Variants in TMEM217 observed in about 807,000 individuals in gnomAD.
TMEM217 encodes the protein chromosome 6 open reading frame 128.
For missense variants in TMEM217, 204 were observed against 248.8 expected (o/e 0.82, Z 1.21); for synonymous variants, 76 against 88.3 (o/e 0.86, Z 0.78).
intron 1 of TMEM217, among the ~76,000 whole-genome samples, chr6:37,254,188 C>T (rs1185611249): frequency 1.3e-5 from 2 of 152,160 alleles, no homozygotes; most frequent in African/African-American, 4.8e-5. Context: ...CACCTCAGAC[C>T]TCCTGAATCA....
chr6:37,245,710 G>A (rs1447941515), intron 1 of TMEM217, among the ~76,000 whole-genome samples: 2 of 152,108 alleles, frequency 1.3e-5, no homozygotes, highest in East Asian at 3.9e-4. Context: ...GGAGGAGGAG[G>A]AGGAAGAGCA....
At chr6:37,213,013 A>G, downstream of TMEM217, 1 of 1,510,662 alleles carries the variant, frequency 6.6e-7, no homozygotes, top group Non-Finnish European at 8.9e-7. Context: ...GAAGAAAATC[A>G]TACAGACACG....
At chr6:37,229,531 A>G (rs1764074282) in intron 1 of TMEM217, among the ~76,000 whole-genome samples, 1 of 151,290 alleles carries the variant, frequency 6.6e-6, no homozygotes, top group Non-Finnish European at 1.5e-5. Context: ...TTTAGTAGAA[A>G]CGGGGTTTCA....
rs143537130 is a variant in TMEM217, at chr6:37,226,963, TTTATAC to T, written c.-11-7928_-11-7923del. On this transcript the variant is annotated intron_variant, in intron 1 of 1. Coordinates refer to ENST00000357219, the Ensembl canonical transcript of TMEM217. ...TTGTCTTAAATTGTTATTTAAATAT[TTTATAC>T]TTATAACAATCATTTTCATAGCTAC... Among the ~76,000 whole-genome samples the T allele has an allele frequency of 1.9e-3, 297 of 152,370 alleles. 1 individual carries two copies. Among genetic ancestry groups the T allele is most frequent in the African/African-American group, 6.3e-3 (261 of 41,584 alleles).
exon 1 of TMEM217, chr6:37,258,052 G>T: frequency 2.0e-6 from 3 of 1,514,910 alleles, no homozygotes; most frequent in Non-Finnish European, 2.7e-6. Flanking sequence ...CGCGGGCCTG[G>T]GGCGCCACAG....
chr6:37,212,446 C>A (rs542121567), exon 4 of TMEM217: 1 of 435,018 alleles, frequency 2.3e-6, no homozygotes, highest in Non-Finnish European at 4.6e-6. Context: ...CATTCCCAGA[C>A]GGACAGGTAG....
downstream of TMEM217, among the ~76,000 whole-genome samples, chr6:37,215,890 G>A (rs903858931): frequency 5.9e-5 from 9 of 152,180 alleles, no homozygotes; most frequent in African/African-American, 2.2e-4. Flanking sequence ...GGCTTGAGCA[G>A]AGGGGAAGGC....
Position 37,241,415 on chromosome 6 carries a change from C to T in TMEM217, c.-12+16153G>A, listed in dbSNP as rs2113888222. ...AAGCAGGACCTCAAAAGCGACATCT[C>T]AGCATTGTACCTGGAGAGGGGACTG... On this transcript the variant is annotated intron_variant, in intron 1 of 1. Transcript: ENST00000357219. Among the ~76,000 whole-genome samples the T allele has an allele frequency of 3.3e-5, 5 of 152,302 alleles. 1 individual carries two copies. In the South Asian group the frequency reaches 1.0e-3, roughly 32 times the overall value.
At chr6:37,255,120 T>C (rs998063857) in intron 1 of TMEM217, among the ~76,000 whole-genome samples, 3 of 152,186 alleles carry the variant, frequency 2.0e-5, no homozygotes, top group East Asian at 1.9e-4. Flanking sequence ...GGGCCTTTAC[T>C]CTAGGGGATG....
At chr6:37,237,569 CA>C (rs1200350480) in intron 1 of TMEM217, among the ~76,000 whole-genome samples, 9 of 152,110 alleles carry the variant, frequency 5.9e-5, no homozygotes, top group African/African-American at 2.2e-4. Flanking sequence ...TTGAATGTAA[CA>C]GAATTAGACC....
chr6:37,238,916 A>C (rs1485794211), intron 1 of TMEM217, among the ~76,000 whole-genome samples: 1 of 152,118 alleles, frequency 6.6e-6, no homozygotes, highest in Admixed American at 6.5e-5. Context: ...AGATCACCTG[A>C]AGTCAGGAGT....
chr6:37,245,446 T>G lies in TMEM217; in HGVS notation c.-12+12122A>C, dbSNP rs146215862. On this transcript the variant is annotated intron_variant, in intron 1 of 1. Transcript: ENST00000357219. Reference sequence around the variant, plus strand: ...GCTTCTGCTTCTTTGCATCACAAACTCCTCCCGATTCGAAGTCTAGAGTGG... The same window carrying G: ...GCTTCTGCTTCTTTGCATCACAAACGCCTCCCGATTCGAAGTCTAGAGTGG... Among the ~76,000 whole-genome samples, 1,069 of 152,336 alleles carry G rather than the reference T, an allele frequency of 7.0e-3. 8 individuals carry two copies. Among genetic ancestry groups the G allele is most frequent in the African/African-American group, 0.024 (1,008 of 41,568 alleles).
intron 1 of TMEM217, among the ~76,000 whole-genome samples, chr6:37,239,429 C>T (rs532821388): frequency 3.3e-5 from 5 of 152,060 alleles, no homozygotes; most frequent in South Asian, 2.1e-4. Context: ...GAACCATGAT[C>T]GTGCCACTGA....
intron 1 of TMEM217, among the ~76,000 whole-genome samples, chr6:37,219,879 G>A (rs1763414383): frequency 6.6e-6 from 1 of 152,160 alleles, no homozygotes; most frequent in African/African-American, 2.4e-5. Flanking sequence ...CCTGTTGGGT[G>A]GAGATGATAA....
intron 1 of TMEM217, among the ~76,000 whole-genome samples, chr6:37,239,928 G>A (rs1011032682): frequency 2.0e-4 from 31 of 151,688 alleles, no homozygotes; most frequent in African/African-American, 6.1e-4. Context: ...TTGGCTGCAA[G>A]GAACAGAGAC....
chr6:37,234,762 G>A (rs1232679180), intron 1 of TMEM217, among the ~76,000 whole-genome samples: 2 of 151,698 alleles, frequency 1.3e-5, no homozygotes, highest in South Asian at 2.1e-4. Flanking sequence ...AATAAATATC[G>A]GTATACACAT....
At chr6:37,229,254 A>G (rs1764032082) in intron 1 of TMEM217, among the ~76,000 whole-genome samples, 1 of 151,570 alleles carries the variant, frequency 6.6e-6, no homozygotes. Flanking sequence ...ACTCAACTGA[A>G]CAGAGTAAGC....
At chr6:37,235,392 G>C (rs182177523) in intron 1 of TMEM217, among the ~76,000 whole-genome samples, 155 of 152,070 alleles carry the variant, frequency 1.0e-3, no homozygotes, top group African/African-American at 3.6e-3. Context: ...TTGAGACAGA[G>C]TCTTGCTCTG....
At chr6:37,258,095 T>A in exon 1 of TMEM217, 1 of 1,135,088 alleles carries the variant, frequency 8.8e-7, no homozygotes, top group Non-Finnish European at 1.2e-6. Context: ...AAGCTGGGAC[T>A]GCCTGGTGGC....
Sources: gnomAD v4.1 joint callset for allele counts (sites outside exome capture counted in the v4.1 genomes callset) on GRCh38, gnomAD v4.1.1 for gene constraint, MANE v1.5 for transcripts, NCBI Gene and HGNC (gene_info 2026-07-23, HGNC 2026-07-21) for gene names.